Variants in DNAH8 observed in about 807,000 individuals in gnomAD.
DNAH8 encodes dynein axonemal heavy chain 8, also known as axonemal beta dynein heavy chain 8.
Under a neutral mutation model 562.1 loss-of-function variants are expected in DNAH8, and 382 were observed. The observed-to-expected ratio is 0.68, with a 90% CI of 0.63 to 0.74. DNAH8 has a LOEUF of 0.74. Among genes scored for constraint, DNAH8 ranks in the 30% least tolerant of loss-of-function variants. DNAH8 has a pLI of 0.00. For missense variants in DNAH8, 5,203 were observed against 5,620.4 expected (o/e 0.93, Z 2.37); for synonymous variants, 1,881 against 1,919.4 (o/e 0.98, Z 0.52).
intron 81 of DNAH8, among the ~76,000 whole-genome samples, chr6:38,950,434 ATGAAAAGGCTTTTTTTTT>A (rs1761806298): frequency 1.4e-5 from 2 of 146,480 alleles, no homozygotes; most frequent in African/African-American, 5.2e-5. Flanking sequence ...TCCGCAGAGT[ATGAAAAGGCTTTTTTTTT>A]TTTTTGAGAC....
At chr6:38,939,101 A>C in intron 79 of DNAH8, 113 bp downstream of exon 79, 1 of 762,420 alleles carries the variant, frequency 1.3e-6, no homozygotes, top group South Asian at 3.3e-5. Context: ...GTTCTAACGA[A>C]AGTTTAATTA....
Position 38,864,039 on chromosome 6 carries a change from A to G in DNAH8, c.6477A>G (p.Glu2159=). 1 of 1,607,976 alleles carries G rather than the reference A, an allele frequency of 6.2e-7. No individual in the cohort carries two copies. Among genetic ancestry groups the G allele is most frequent in the Non-Finnish European group, 8.5e-7 (1 of 1,178,678 alleles). ...SDGDCVDLNP[E]FGIFLTMNPG... ...GTGATTGTGTTGATTTAAATCCAGA[A>G]TTTGGAATCTTCTTAACGATGGTGA... is the stretch of plus-strand genomic sequence containing the variant. Residue 2159 remains glutamate, a synonymous_variant, in exon 45 of 93, where the codon GAA becomes GAG. Transcript: ENST00000327475.
chr6:38,783,843 G>C (rs1287492495), intron 17 of DNAH8, among the ~76,000 whole-genome samples: 6 of 152,098 alleles, frequency 3.9e-5, no homozygotes, highest in Admixed American at 3.9e-4. Flanking sequence ...GACCTTGGTG[G>C]ACCCCTTACT....
chr6:38,954,898 A>G (rs1302419133), intron 82 of DNAH8, among the ~76,000 whole-genome samples: 1 of 152,196 alleles, frequency 6.6e-6, no homozygotes, highest in Non-Finnish European at 1.5e-5. Flanking sequence ...TAATTTTCTG[A>G]TAAGTCCTTT....
At chr6:38,834,707 G>T in intron 32 of DNAH8, 66 bp downstream of exon 32, 1 of 1,281,840 alleles carries the variant, frequency 7.8e-7, no homozygotes, top group South Asian at 1.3e-5. Context: ...GGGGAAAGAT[G>T]GAGGTTTTAC....
chr6:38,900,721 G>A (rs1322316277), intron 62 of DNAH8, among the ~76,000 whole-genome samples: 1 of 151,934 alleles, frequency 6.6e-6, no homozygotes, highest in African/African-American at 2.4e-5. Flanking sequence ...AGGTTCAAGC[G>A]ATTCTCTTGC....
At position 38,929,685 on chromosome 6, in the gene DNAH8, A is replaced by G. The variant is rs1468414645; in HGVS notation, c.11274+19A>G. 3 of 1,514,078 alleles carry G rather than the reference A, an allele frequency of 2.0e-6. No homozygotes were observed. The highest frequency in any genetic ancestry group is 2.6e-6 in the Non-Finnish European group (3 of 1,137,136). 93.8% of individuals were successfully genotyped at this position (1,514,078 alleles called of 1,614,324 possible). A position where few individuals can be genotyped will look rare whatever the true frequency, so the allele number is the denominator to read the frequency against. On this transcript the variant is annotated intron_variant, in intron 75 of 92. Transcript: ENST00000327475. ...TTTCAAGGTGAGCTTTGTAAAAAAA[A>G]AAAAAAAGAAAGAAAGAAAGAAAAG...
In DNAH8 at chr6:39,016,379, G is replaced by A. The variant is rs148546198; in HGVS notation, c.13714+3742G>A. On this transcript the variant is annotated intron_variant, in intron 91 of 92. Transcript: ENST00000327475. ...ATCCTGGCTAACACGGTGAAACCCCGTCTCTACTAAAAATACAAAAAATTA... is the reference window on the plus strand; with the variant it reads ...ATCCTGGCTAACACGGTGAAACCCCATCTCTACTAAAAATACAAAAAATTA... Among the ~76,000 whole-genome samples, 1,681 of 152,000 alleles carry A rather than the reference G, an allele frequency of 0.011. 109 individuals carry two copies. The East Asian group carries it at 0.16, about 14-fold the overall frequency.
intron 11 of DNAH8, chr6:38,763,540 A>G (rs756737644): frequency 4.7e-5 from 10 of 212,714 alleles, no homozygotes; most frequent in Non-Finnish European, 8.3e-5. Context: ...AAGGCCAGGC[A>G]TAGTGGCTCA....
rs1478675211 is a variant in DNAH8, at chr6:38,990,086, C to G, written c.13128C>G (p.Thr4376=). The G allele has an allele frequency of 6.3e-7, 1 of 1,599,034 alleles. No homozygotes were observed. Among genetic ancestry groups the G allele is most frequent in the Admixed American group, 1.7e-5 (1 of 59,960 alleles). Residue 4376 remains threonine (T), a synonymous_variant, in exon 88 of 93, where the codon ACC becomes ACG. Transcript: ENST00000327475. ...GATATAAAATCCCCTTATGCAAAACCTTAGACCAGTATTTTGAATACATCC... is the reference window on the plus strand; with the variant it reads ...GATATAAAATCCCCTTATGCAAAACGTTAGACCAGTATTTTGAATACATCC... The part of the protein sequence containing the change: ...YTGYKIPLCK[T]LDQYFEYIQS...
chr6:38,751,212 C>T (rs1765421578), intron 9 of DNAH8, among the ~76,000 whole-genome samples: 1 of 152,170 alleles, frequency 6.6e-6, no homozygotes, highest in African/African-American at 2.4e-5. Context: ...TATTGGAAGG[C>T]CCCAGTCCCT....
chr6:38,738,281 A>G (rs902989111), intron 7 of DNAH8, among the ~76,000 whole-genome samples: 4 of 152,238 alleles, frequency 2.6e-5, no homozygotes, highest in South Asian at 4.1e-4. Flanking sequence ...GATACTCTCC[A>G]TAAAAGAGAG....
At chr6:38,826,656 T>C (rs1773352564) in intron 29 of DNAH8, among the ~76,000 whole-genome samples, 1 of 152,188 alleles carries the variant, frequency 6.6e-6, no homozygotes. Flanking sequence ...TTTTTGATAC[T>C]GGCACCAACA....
At chr6:38,741,988 T>C in intron 8 of DNAH8, 101 bp downstream of exon 8, 1 of 924,578 alleles carries the variant, frequency 1.1e-6, no homozygotes, top group Non-Finnish European at 1.6e-6. Flanking sequence ...GAATCGTGTT[T>C]AGAAGTGTTA....
At chr6:39,020,367 C>G (rs572425652) in intron 91 of DNAH8, among the ~76,000 whole-genome samples, 2 of 152,114 alleles carry the variant, frequency 1.3e-5, no homozygotes, top group Non-Finnish European at 2.9e-5. Context: ...GTCTGCAGAG[C>G]TTTTTACGGG....
rs1368570607 is a variant in DNAH8 at position 38,887,047 on chromosome 6, G to A, written c.8473+43G>A. ...GTTTATTTTATTGCATTACATAATG[G>A]ACATAAACCACACAAAATTTCATTT... On this transcript the variant is annotated intron_variant, in intron 57 of 92. Transcript: ENST00000327475. 2.9e-6 allele frequency: 4 copies of A among 1,376,006 alleles called. No individual in the cohort carries two copies. The South Asian group carries it at 4.8e-5, about 16-fold the overall frequency. The allele number at this position is 1,376,006 out of a possible 1,614,324, so 85.2% of individuals were successfully genotyped here.
intron 3 of DNAH8, among the ~76,000 whole-genome samples, chr6:38,723,833 T>C (rs1254607021): frequency 6.6e-6 from 1 of 151,846 alleles, no homozygotes; most frequent in Non-Finnish European, 1.5e-5. Context: ...TACTCCAGCC[T>C]GGCTGACAGA....
At chr6:38,957,336 A>T (rs918208502) in intron 82 of DNAH8, among the ~76,000 whole-genome samples, 3 of 149,622 alleles carry the variant, frequency 2.0e-5, no homozygotes, top group African/African-American at 7.3e-5. Flanking sequence ...ATAAAAATGT[A>T]AATATTAATA....
chr6:38,807,793 TA>T (rs200281327), intron 24 of DNAH8, 77 bp downstream of exon 24: 173 of 584,016 alleles, frequency 3.0e-4, no homozygotes, highest in Non-Finnish European at 3.4e-4. Context: ...ATTTATTAAT[TA>T]AAAAAACTAT....
Sources: gnomAD v4.1 joint callset for allele counts (sites outside exome capture counted in the v4.1 genomes callset) on GRCh38, gnomAD v4.1.1 for gene constraint, MANE v1.5 for transcripts, NCBI Gene and HGNC (gene_info 2026-07-23, HGNC 2026-07-21) for gene names.